Variants in TAFA1 observed in about 807,000 individuals in gnomAD.
TAFA1 encodes the protein chemokine-like protein TAFA-1.
A neutral mutation model predicts 18.5 loss-of-function variants in TAFA1; 4 were observed. The observed-to-expected ratio is 0.22, with a 90% CI of 0.11 to 0.49. The LOEUF (loss-of-function observed/expected upper bound fraction) is 0.49. Among genes scored for constraint, TAFA1 ranks in the 20% least tolerant of loss-of-function variants. The pLI, the probability that TAFA1 is intolerant of heterozygous loss-of-function variation, is 0.98. For synonymous variants in TAFA1, 56 were observed against 55.2 expected (o/e 1.01, Z -0.06); for missense variants, 147 against 169.0 (o/e 0.87, Z 0.72).
Position 68,168,488 on chromosome 3 carries a change from G to T in TAFA1, c.118+161744G>T, listed in dbSNP as rs185112663. On this transcript the variant is annotated intron_variant, in intron 2 of 4. Coordinates refer to ENST00000478136, the MANE Select transcript of TAFA1 (RefSeq NM_213609.4). ...ATATAACTTTACATTTCTGAAAATA[G>T]TCATAATGTAGACCTTGACTGGTTA... Among the ~76,000 whole-genome samples, 150 of 152,298 alleles carry T rather than the reference G, an allele frequency of 9.8e-4. 1 individual carries two copies. Among genetic ancestry groups the T allele is most frequent in the African/African-American group, 3.6e-3 (148 of 41,558 alleles).
At chr3:68,457,062 T>C (rs1338187811) in intron 3 of TAFA1, among the ~76,000 whole-genome samples, 2 of 152,234 alleles carry the variant, frequency 1.3e-5, no homozygotes, top group Non-Finnish European at 2.9e-5. Flanking sequence ...TGGAGAGATG[T>C]ACTGTTCACT....
At chr3:68,442,662 T>C (rs2071405784) in intron 3 of TAFA1, among the ~76,000 whole-genome samples, 1 of 152,136 alleles carries the variant, frequency 6.6e-6, no homozygotes, top group African/African-American at 2.4e-5. Context: ...GAAATCTATA[T>C]TCTAAATCTA....
intron 3 of TAFA1, among the ~76,000 whole-genome samples, chr3:68,429,953 C>T (rs1394004442): frequency 6.6e-6 from 1 of 151,910 alleles, no homozygotes; most frequent in Non-Finnish European, 1.5e-5. Context: ...GACTTACTCA[C>T]TCATTCATTC....
chr3:68,080,852 G>A (rs999159549), intron 2 of TAFA1, among the ~76,000 whole-genome samples: 5 of 152,142 alleles, frequency 3.3e-5, no homozygotes, highest in African/African-American at 7.2e-5. Context: ...GAATCTGAAC[G>A]TTGGCCTACC....
At chr3:68,015,069 A>G (rs1051993530) in intron 2 of TAFA1, among the ~76,000 whole-genome samples, 12 of 152,116 alleles carry the variant, frequency 7.9e-5, no homozygotes, top group East Asian at 1.9e-4. Flanking sequence ...TCAAAAGGGG[A>G]TGTTCTGTGC....
intron 2 of TAFA1, among the ~76,000 whole-genome samples, chr3:68,010,409 C>T (rs1194795261): frequency 2.0e-5 from 3 of 152,156 alleles, no homozygotes; most frequent in Non-Finnish European, 2.9e-5. Flanking sequence ...CACCAGCCAG[C>T]CAGGGTCCTT....
intron 2 of TAFA1, among the ~76,000 whole-genome samples, chr3:68,350,295 G>A (rs2069242719): frequency 6.6e-6 from 1 of 152,140 alleles, no homozygotes; most frequent in African/African-American, 2.4e-5. Context: ...TTGAGTATGT[G>A]TTATATACAA....
At chr3:68,370,883 G>C (rs2069693425) in intron 2 of TAFA1, among the ~76,000 whole-genome samples, 1 of 148,378 alleles carries the variant, frequency 6.7e-6, no homozygotes, top group East Asian at 2.1e-4. Flanking sequence ...TCATGTGGTT[G>C]AATCAGTTTG....
intron 2 of TAFA1, among the ~76,000 whole-genome samples, chr3:68,077,896 T>C (rs2064847464): frequency 6.6e-6 from 1 of 151,324 alleles, no homozygotes; most frequent in African/African-American, 2.5e-5. Flanking sequence ...TAAATTACCT[T>C]GGGCAGTATG....
intron 2 of TAFA1, among the ~76,000 whole-genome samples, chr3:68,290,707 T>C (rs2068089447): frequency 6.6e-6 from 1 of 152,160 alleles, no homozygotes; most frequent in Non-Finnish European, 1.5e-5. Context: ...TCAAAAGATA[T>C]ATCTAATTTT....
At chr3:68,019,543 T>C (rs952212905) in intron 2 of TAFA1, among the ~76,000 whole-genome samples, 2 of 152,334 alleles carry the variant, frequency 1.3e-5, no homozygotes, top group Admixed American at 1.3e-4. Context: ...TTGGCATTTA[T>C]CATGTTGAGA....
chr3:68,331,564 T>A (rs2068871109), intron 2 of TAFA1, among the ~76,000 whole-genome samples: 1 of 152,244 alleles, frequency 6.6e-6, no homozygotes, highest in South Asian at 2.1e-4. Context: ...AGATGTTTAT[T>A]GTAAAGATTT....
intron 2 of TAFA1, among the ~76,000 whole-genome samples, chr3:68,312,679 A>G (rs1320638487): frequency 6.6e-6 from 1 of 152,222 alleles, no homozygotes; most frequent in African/African-American, 2.4e-5. Context: ...GCAAGTCTCT[A>G]GGAAGTTCCA....
chr3:68,369,897 A>C (rs977020133), intron 2 of TAFA1, among the ~76,000 whole-genome samples: 2 of 152,162 alleles, frequency 1.3e-5, no homozygotes, highest in Admixed American at 6.5e-5. Context: ...AGACAATAGA[A>C]AAGAAAACAG....
At chr3:68,255,997 T>C (rs1317193404) in intron 2 of TAFA1, among the ~76,000 whole-genome samples, 1 of 152,154 alleles carries the variant, frequency 6.6e-6, no homozygotes. Flanking sequence ...TTCAGAATAC[T>C]AACTCTGCTA....
intron 2 of TAFA1, among the ~76,000 whole-genome samples, chr3:68,171,750 C>T (rs917299408): frequency 2.0e-5 from 3 of 151,692 alleles, no homozygotes; most frequent in African/African-American, 4.8e-5. Flanking sequence ...TAAAGAGACA[C>T]TAAAAAGAGC....
At chr3:68,037,401 C>G (rs953087505) in intron 2 of TAFA1, among the ~76,000 whole-genome samples, 1 of 152,176 alleles carries the variant, frequency 6.6e-6, no homozygotes, top group Non-Finnish European at 1.5e-5. Context: ...ATCCACAAAC[C>G]ATGGGTCCTA....
At chr3:68,383,382 T>G (rs938817595) in intron 2 of TAFA1, among the ~76,000 whole-genome samples, 7 of 152,170 alleles carry the variant, frequency 4.6e-5, no homozygotes, top group African/African-American at 1.4e-4. Flanking sequence ...CTATTGAGAG[T>G]TTTTAACATG....
At chr3:68,136,749 A>G (rs1014642757) in intron 2 of TAFA1, among the ~76,000 whole-genome samples, 4 of 152,244 alleles carry the variant, frequency 2.6e-5, no homozygotes, top group Admixed American at 2.6e-4. Context: ...TCCTACTTCC[A>G]TGGATATGGG....
Sources: gnomAD v4.1 joint callset for allele counts (sites outside exome capture counted in the v4.1 genomes callset) on GRCh38, gnomAD v4.1.1 for gene constraint, MANE v1.5 for transcripts, NCBI Gene and HGNC (gene_info 2026-07-23, HGNC 2026-07-21) for gene names.